Variants in TAF1D observed in about 807,000 individuals in gnomAD.
TAF1D encodes TATA-box binding protein associated factor, RNA polymerase I subunit D, also known as TATA box-binding protein-associated factor RNA polymerase I subunit D.
In TAF1D, 23 loss-of-function variants were observed where a neutral mutation model predicts 26.2. That is an observed-to-expected ratio of 0.88 (90% CI 0.63 to 1.25). The LOEUF is 1.25. TAF1D is among the 50% of genes most tolerant of loss of function. The pLI is 0.00. For missense variants in TAF1D, 299 were observed against 322.0 expected (o/e 0.93, Z 0.55); for synonymous variants, 100 against 105.6 (o/e 0.95, Z 0.33).
At chr11:93,732,559 T>G, downstream of TAF1D, 2 of 442,842 alleles carry the variant, frequency 4.5e-6, no homozygotes, top group Non-Finnish European at 9.2e-6. Context: ...AGAAATGCTT[T>G]CACAAACCTC....
In TAF1D at chr11:93,738,248, C is replaced by T. The variant is rs958495434; in HGVS notation, c.320G>A (p.Gly107Glu). The T allele has an allele frequency of 1.9e-6, 3 of 1,612,896 alleles. No individual in the cohort carries two copies. The highest frequency in any genetic ancestry group is 1.3e-5 in the African/African-American group (1 of 74,778). ...RRYQPTGRPR[G>E]RPEGRRNPIY... ...AGGATTTCTCCTTCCTTCTGGTCTT[C>T]CCCGTGGTCTTCCTGTTGGCTGGTA... The change falls in exon 3 of 6, where the codon GGA becomes GAA. Residue 107 changes from glycine to glutamate, a missense_variant. Physicochemically the swap from Gly to Glu is moderately conservative, Grantham distance 98. Transcript: ENST00000448108.
chr11:93,730,441 G>A (rs1379583294), exon 12 of TAF1D: 1 of 760,382 alleles, frequency 1.3e-6, no homozygotes, highest in Non-Finnish European at 2.4e-6. Context: ...TTATCTTCAA[G>A]TTTGCCCTGA....
intron 2 of TAF1D, chr11:93,738,879 G>GT: frequency 3.3e-6 from 1 of 306,038 alleles, no homozygotes; most frequent in Admixed American, 4.7e-5. Flanking sequence ...CAAAAAAACT[G>GT]TATCTTTCAA....
downstream of TAF1D, chr11:93,732,949 T>C (rs1025673926): frequency 7.3e-6 from 2 of 275,472 alleles, no homozygotes; most frequent in Admixed American, 5.0e-5. Flanking sequence ...ATTTTCCTTC[T>C]CTATACAAAT....
intron 1 of TAF1D, among the ~76,000 whole-genome samples, chr11:93,740,946 G>A (rs956120636): frequency 6.6e-6 from 1 of 152,198 alleles, no homozygotes; most frequent in African/African-American, 2.4e-5. Flanking sequence ...CGCTTTACCC[G>A]GAGCTAACGC....
At chr11:93,740,144 A>T (rs2135532269) in intron 1 of TAF1D, among the ~76,000 whole-genome samples, 1 of 152,084 alleles carries the variant, frequency 6.6e-6, no homozygotes, top group African/African-American at 2.4e-5. Context: ...CTCCGTCTCT[A>T]CAAAAAATAC....
rs1491474452 is a variant in TAF1D at position 93,738,293 on chromosome 11, TTA to T, written c.273_274del (p.Tyr91Ter). ...CTGGTACCTCCTCTTTTTCTTTTTT[TTA>T]TATCTCTTTTTCCTGTTCTTGAATC... On this transcript the variant is annotated stop_gained and frameshift_variant, in exon 3 of 6. Coordinates refer to ENST00000448108, the MANE Select transcript of TAF1D (RefSeq NM_024116.4). LOFTEE classifies it high-confidence loss of function. 5.6e-6 allele frequency: 9 copies of T among 1,608,552 alleles called. No individual in the cohort carries two copies. The highest frequency in any genetic ancestry group is 7.6e-6 in the Non-Finnish European group (9 of 1,178,740).
At position 93,741,472 on chromosome 11, in the gene TAF1D, C is replaced by T. The variant is rs1169385082; in HGVS notation, c.-178G>A. 5 of 456,184 alleles carry T rather than the reference C, an allele frequency of 1.1e-5. No individual in the cohort carries two copies. The highest frequency in any genetic ancestry group is 1.5e-5 in the South Asian group (1 of 64,578). The allele number at this position is 456,184 out of a possible 1,614,324, so 28.3% of individuals were successfully genotyped here. A position where few individuals can be genotyped will look rare whatever the true frequency, so the allele number is the denominator to read the frequency against. The stretch of plus-strand genomic sequence containing the variant: ...CCAACTCCCGATAACCAGCCGACCT[C>T]CTCCAACCGTGCGGAAGAAAAGGGT... On this transcript the variant is annotated 5_prime_UTR_variant, in exon 1 of 6. Coordinates refer to ENST00000448108, the MANE Select transcript of TAF1D (RefSeq NM_024116.4).
At chr11:93,734,796 GAC>G, downstream of TAF1D, 1 of 1,235,608 alleles carries the variant, frequency 8.1e-7, no homozygotes, top group Non-Finnish European at 1.0e-6. Context: ...TTTCTTAAGA[GAC>G]AGGGTCTGTC....
chr11:93,736,821 T>C, intron 4 of TAF1D, 70 bp from the exon 5 acceptor site: 1 of 1,491,464 alleles, frequency 6.7e-7, no homozygotes, highest in East Asian at 2.3e-5. Flanking sequence ...TATTCCACTC[T>C]GAAATATAAC....
chr11:93,739,443 A>C (rs900102019), intron 1 of TAF1D, 112 bp from the exon 2 acceptor site: 1 of 622,580 alleles, frequency 1.6e-6, no homozygotes, highest in African/African-American at 1.9e-5. Context: ...GAAATCATTT[A>C]CCAAGGTTAA....
rs79842071 is a variant in TAF1D, at chr11:93,739,834, G to T, written c.-27-503C>A. Among the ~76,000 whole-genome samples the T allele has an allele frequency of 1.9e-3, 286 of 152,008 alleles. 10 individuals carry two copies. In the East Asian group the frequency reaches 0.053, roughly 28 times the overall value. On this transcript the variant is annotated intron_variant, in intron 1 of 5. Transcript: ENST00000448108. ...CATTCCTAGATTCATTTAAGCAACTGAACTTTGTCATATTGTATCTTTGCC... is the reference window on the plus strand; with the variant it reads ...CATTCCTAGATTCATTTAAGCAACTTAACTTTGTCATATTGTATCTTTGCC...
chr11:93,735,051 G>A, downstream of TAF1D: 1 of 1,282,876 alleles, frequency 7.8e-7, no homozygotes, highest in Non-Finnish European at 1.0e-6. Flanking sequence ...ATTGCACCTG[G>A]CCTGGAACCA....
At chr11:93,737,299 CT>C (rs1940995480) in intron 3 of TAF1D, 60 bp from the exon 4 acceptor site, 1 of 1,299,114 alleles carries the variant, frequency 7.7e-7, no homozygotes, top group Non-Finnish European at 1.1e-6. Context: ...CAGCAGGTGC[CT>C]ATGTTCAAAA....
chr11:93,731,615 C>A (rs772567321), downstream of TAF1D: 2 of 515,914 alleles, frequency 3.9e-6, no homozygotes, highest in South Asian at 2.8e-5. Flanking sequence ...TAAGCCTAGT[C>A]CTTTTTTTTA....
At chr11:93,734,781 CT>C (rs751356083), downstream of TAF1D, 3 of 1,255,128 alleles carry the variant, frequency 2.4e-6, no homozygotes, top group East Asian at 5.6e-5. Flanking sequence ...TGGAATCAAC[CT>C]TTTTTTCTTA....
intron 1 of TAF1D, among the ~76,000 whole-genome samples, chr11:93,739,976 A>AG (rs1179585611): frequency 6.0e-5 from 9 of 150,532 alleles, no homozygotes; most frequent in South Asian, 2.1e-4. Context: ...AAAAAAAAAA[A>AG]AAAAAAGAAA....
intron 2 of TAF1D, 145 bp downstream of exon 2, chr11:93,739,092 A>G (rs1941309019): frequency 4.9e-6 from 3 of 610,880 alleles, no homozygotes; most frequent in Non-Finnish European, 2.8e-6. Context: ...TATTATATCA[A>G]TCTATGTAAC....
At chr11:93,736,983 T>A in intron 4 of TAF1D, 81 bp downstream of exon 4, 1 of 1,301,548 alleles carries the variant, frequency 7.7e-7, no homozygotes, top group Non-Finnish European at 1.0e-6. Context: ...TATAACTATA[T>A]TAAAGGCAAA....
Sources: allele counts gnomAD v4.1 joint callset (sites outside exome capture counted in the v4.1 genomes callset), GRCh38; gene constraint gnomAD v4.1.1; transcripts MANE v1.5; gene names NCBI Gene and HGNC (gene_info 2026-07-23, HGNC 2026-07-21).